Variants in PDGFC observed in about 807,000 individuals in gnomAD.
PDGFC encodes platelet derived growth factor C.
In PDGFC, 12 loss-of-function variants were observed where a neutral mutation model predicts 35.5. That is an observed-to-expected ratio of 0.34 (90% CI 0.22 to 0.55). The LOEUF (loss-of-function observed/expected upper bound fraction) is 0.55, where lower values mean the gene tolerates loss of function less well. PDGFC is among the 20% of genes least tolerant of loss of function. The pLI is 0.91. For missense variants in PDGFC, 322 were observed against 412.4 expected (o/e 0.78, Z 1.90); for synonymous variants, 159 against 148.8 (o/e 1.07, Z -0.50).
chr4:156,841,348 CT>C, intron 2 of PDGFC: 2 of 155,864 alleles, frequency 1.3e-5, no homozygotes, highest in Middle Eastern at 3.2e-3. Flanking sequence ...GCTTCTCCTT[CT>C]TTTGCTCAGC....
chr4:156,790,955 A>G (rs1731284149), intron 3 of PDGFC, among the ~76,000 whole-genome samples: 1 of 152,150 alleles, frequency 6.6e-6, no homozygotes, highest in Non-Finnish European at 1.5e-5. Context: ...CATTGGCATC[A>G]ATTTCACATC....
intron 1 of PDGFC, among the ~76,000 whole-genome samples, chr4:156,937,815 A>C (rs762327582): frequency 6.6e-6 from 1 of 152,188 alleles, no homozygotes; most frequent in East Asian, 1.9e-4. Flanking sequence ...TACAACCCTA[A>C]TATTGGTTGA....
intron 1 of PDGFC, among the ~76,000 whole-genome samples, chr4:156,931,140 A>T (rs1299631950): frequency 6.6e-6 from 1 of 152,210 alleles, no homozygotes; most frequent in Non-Finnish European, 1.5e-5. Flanking sequence ...TGAAAGCAAA[A>T]GGCGTGACAG....
At chr4:156,820,657 T>A (rs1732226314) in intron 2 of PDGFC, among the ~76,000 whole-genome samples, 1 of 152,102 alleles carries the variant, frequency 6.6e-6, no homozygotes, top group Non-Finnish European at 1.5e-5. Context: ...TATGACTGAG[T>A]ATGGCTTTAG....
intron 2 of PDGFC, among the ~76,000 whole-genome samples, chr4:156,826,174 ATTTTTTTTTTTTTTT>A (rs59421806): frequency 5.0e-4 from 22 of 43,790 alleles, no homozygotes; most frequent in South Asian, 1.5e-3. Flanking sequence ...TTTGAGTTGG[ATTTTTTTTTTTTTTT>A]TTTTTTTTTT....
intron 1 of PDGFC, among the ~76,000 whole-genome samples, chr4:156,874,682 T>G (rs988020260): frequency 6.6e-6 from 1 of 152,004 alleles, no homozygotes; most frequent in Non-Finnish European, 1.5e-5. Context: ...CCAAAAACAC[T>G]GCATTTATAA....
At chr4:156,900,975 G>T (rs950040211) in intron 1 of PDGFC, among the ~76,000 whole-genome samples, 2 of 151,932 alleles carry the variant, frequency 1.3e-5, no homozygotes, top group Non-Finnish European at 2.9e-5. Flanking sequence ...AAGAAAAAAA[G>T]AGAAGAGGGC....
At chr4:156,923,921 T>C (rs190690588) in intron 1 of PDGFC, among the ~76,000 whole-genome samples, 182 of 152,226 alleles carry the variant, frequency 1.2e-3, no homozygotes, top group African/African-American at 4.1e-3. Context: ...GAGCCACCAG[T>C]GGGAAGACAG....
chr4:156,796,522 A>G (rs1324778745), intron 3 of PDGFC, among the ~76,000 whole-genome samples: 1 of 141,346 alleles, frequency 7.1e-6, no homozygotes, highest in Admixed American at 7.1e-5. Flanking sequence ...TTTTTACAAA[A>G]GGTGTCAATT....
intron 1 of PDGFC, among the ~76,000 whole-genome samples, chr4:156,898,509 C>T (rs78074102): frequency 0.013 from 1,973 of 152,292 alleles, 26 homozygotes; most frequent in Non-Finnish European, 0.021. Flanking sequence ...CTCACTTTCA[C>T]TTCTTCACAA....
intron 1 of PDGFC, among the ~76,000 whole-genome samples, chr4:156,954,340 T>TA (rs1436778294): frequency 1.3e-5 from 2 of 151,974 alleles, no homozygotes; most frequent in Non-Finnish European, 2.9e-5. Flanking sequence ...AGTGACTTTT[T>TA]AAAAGACTGA....
intron 4 of PDGFC, among the ~76,000 whole-genome samples, chr4:156,769,489 C>T (rs1367757194): frequency 6.6e-6 from 1 of 151,830 alleles, no homozygotes; most frequent in African/African-American, 2.4e-5. Context: ...AAACCTGAGT[C>T]AAGTATAGGA....
rs1021050969 is a variant in PDGFC, at chr4:156,772,860, G to A, written c.529C>T (p.Pro177Ser). The change falls in exon 4 of 6, where the codon CCC becomes TCC. Residue 177 changes from proline to serine, a missense_variant. Physicochemically the swap from Pro to Ser is moderately conservative, Grantham distance 74. This residue lies in a region of PDGFC where 202 missense variants were observed against 295.9 expected (regional missense o/e 0.68). Transcript: ENST00000502773. ...FTEAVSPSVL[P>S]PSALPLDLLN... The stretch of plus-strand genomic sequence containing the variant: ...AGGTCCAGTGGCAAAGCTGAAGGGG[G>A]TAGCACTGAAGGACTCACAGCTTCT... The A allele has an allele frequency of 1.9e-6, 3 of 1,613,138 alleles. No homozygotes were observed. The highest frequency in any genetic ancestry group is 1.1e-5 in the South Asian group (1 of 91,060).
At chr4:156,961,533 T>G (rs182251326) in intron 1 of PDGFC, among the ~76,000 whole-genome samples, 1 of 152,134 alleles carries the variant, frequency 6.6e-6, no homozygotes, top group African/African-American at 2.4e-5. Flanking sequence ...ATCAAGATAG[T>G]ACATCCACCA....
chr4:156,902,578 T>A (rs181628008), intron 1 of PDGFC, among the ~76,000 whole-genome samples: 1 of 152,374 alleles, frequency 6.6e-6, no homozygotes, highest in East Asian at 1.9e-4. Context: ...TGCAATTAAC[T>A]TTTTAATAAC....
At chr4:156,881,672 A>T (rs1258859631) in intron 1 of PDGFC, among the ~76,000 whole-genome samples, 1 of 151,986 alleles carries the variant, frequency 6.6e-6, no homozygotes, top group African/African-American at 2.4e-5. Flanking sequence ...CTCTACTAAA[A>T]ATACAAAATT....
chr4:156,930,876 T>A (rs1439528958), intron 1 of PDGFC, among the ~76,000 whole-genome samples: 3 of 151,862 alleles, frequency 2.0e-5, no homozygotes, highest in African/African-American at 7.3e-5. Context: ...AAAAAATAAA[T>A]AAAAATAAAA....
intron 1 of PDGFC, among the ~76,000 whole-genome samples, chr4:156,881,745 G>A (rs1053617742): frequency 4.0e-5 from 6 of 150,146 alleles, no homozygotes; most frequent in Non-Finnish European, 3.0e-5. Context: ...AAGGAGAATC[G>A]CTTGAACCCA....
rs1429627372 is a variant in PDGFC, at chr4:156,971,752, G to A, written c.-849C>T. 1.3e-5 allele frequency among the ~76,000 whole-genome samples: 2 copies of A among 151,872 alleles called. No homozygotes were observed. The highest frequency in any genetic ancestry group is 2.1e-4 in the South Asian group (1 of 4,832). On this transcript the variant is annotated 5_prime_UTR_variant, in exon 1 of 6. Transcript: ENST00000502773. ...TCCCCGTCCCCTCCCCCCACGCCTC[G>A]GGCTCCGCGCTAACCTCGGGGCTAC... is the stretch of plus-strand genomic sequence containing the variant.
Sources: gnomAD v4.1 joint callset for allele counts (sites outside exome capture counted in the v4.1 genomes callset) on GRCh38, gnomAD v4.1.1 for gene constraint, gnomAD v4.1.1 regional missense constraint, MANE v1.5 for transcripts, NCBI Gene and HGNC (gene_info 2026-07-23, HGNC 2026-07-21) for gene names.